Variants in SIM1 observed in about 807,000 individuals in gnomAD.
SIM1 encodes SIM bHLH transcription factor 1.
A neutral mutation model predicts 78.2 loss-of-function variants in SIM1; 18 were observed. The observed-to-expected ratio is 0.23, with a 90% CI of 0.16 to 0.34. The LOEUF (loss-of-function observed/expected upper bound fraction) is 0.34, where lower values mean the gene tolerates loss of function less well. SIM1 is among the 10% of genes least tolerant of loss of function. SIM1 has a pLI of 1.00. For synonymous variants in SIM1, 417 were observed against 385.2 expected (o/e 1.08, Z -0.97); for missense variants, 939 against 975.1 (o/e 0.96, Z 0.49).
intron 9 of SIM1, among the ~76,000 whole-genome samples, chr6:100,438,806 T>G (rs955575679): frequency 5.3e-5 from 8 of 152,222 alleles, no homozygotes; most frequent in Admixed American, 4.6e-4. Flanking sequence ...TAATGTCTTT[T>G]GCAGCAACTT....
At chr6:100,461,731 G>A (rs933499331) in intron 2 of SIM1, among the ~76,000 whole-genome samples, 22 of 151,926 alleles carry the variant, frequency 1.4e-4, no homozygotes, top group African/African-American at 5.3e-4. Flanking sequence ...AAGGCAGTGT[G>A]GTATAATGGT....
chr6:100,411,138 C>A (rs553185593), intron 10 of SIM1, among the ~76,000 whole-genome samples: 49 of 152,302 alleles, frequency 3.2e-4, no homozygotes, highest in South Asian at 8.3e-4. Context: ...AGCCCTGGAA[C>A]TAGGGCTGAG....
chr6:100,450,696 T>TCTCTCTCTCTCACACA (rs1421452803), intron 3 of SIM1, among the ~76,000 whole-genome samples: 1,970 of 91,812 alleles, frequency 0.021, 32 homozygotes, highest in East Asian at 0.049. Context: ...TCTCTCTCTC[T>TCTCTCTCTCTCACACA]CACACACACA....
chr6:100,461,837 CTTTCT>C (rs1309062119), intron 2 of SIM1, among the ~76,000 whole-genome samples: 8 of 72,864 alleles, frequency 1.1e-4, no homozygotes, highest in East Asian at 3.7e-4. Context: ...TTCTTTCTTT[CTTTCT>C]TTTTTTTTTT....
intron 9 of SIM1, among the ~76,000 whole-genome samples, chr6:100,433,020 G>A (rs1340116771): frequency 6.6e-6 from 1 of 151,934 alleles, no homozygotes; most frequent in Non-Finnish European, 1.5e-5. Flanking sequence ...AAATCCCATT[G>A]GGCCTACCTT....
chr6:100,390,137 T>C lies in SIM1; in HGVS notation c.*224A>G. ...AAATTTATCTATTCTGGTTCCCATA[T>C]AATTAGAGGGGAAATTTGTGTATTC... On this transcript the variant is annotated 3_prime_UTR_variant, in exon 12 of 12. Transcript: ENST00000369208. 1 of 553,994 alleles carries C rather than the reference T, an allele frequency of 1.8e-6. No homozygotes were observed. Among genetic ancestry groups the C allele is most frequent in the Non-Finnish European group, 3.1e-6 (1 of 317,524 alleles). 34.3% of individuals were successfully genotyped at this position (553,994 alleles called of 1,614,324 possible).
intron 1 of SIM1, 84 bp downstream of exon 1, chr6:100,464,522 CCCCGGGGG>C: frequency 6.6e-6 from 1 of 152,166 alleles, no homozygotes; most frequent in Non-Finnish European, 1.5e-5. Context: ...TCGCAGGCTC[CCCCGGGGG>C]TGGGAGGCGC....
chr6:100,422,333 A>G (rs1427709333), intron 9 of SIM1, among the ~76,000 whole-genome samples: 3 of 152,032 alleles, frequency 2.0e-5, no homozygotes, highest in Non-Finnish European at 4.4e-5. Flanking sequence ...CCTCCCGAGT[A>G]GCTAGGATTA....
chr6:100,448,283 C>G (rs1469114921), intron 7 of SIM1, 31 bp from the exon 8 acceptor site: 4 of 1,563,996 alleles, frequency 2.6e-6, no homozygotes, highest in Non-Finnish European at 3.5e-6. Flanking sequence ...AGGATGAATG[C>G]AGGCGCGGGT....
intron 9 of SIM1, among the ~76,000 whole-genome samples, chr6:100,442,259 G>A (rs886870663): frequency 3.3e-5 from 5 of 152,164 alleles, no homozygotes; most frequent in Non-Finnish European, 5.9e-5. Flanking sequence ...AGGAAAAAGT[G>A]TATGAAGAAT....
Position 100,449,402 on chromosome 6 carries a change from C to A in SIM1, c.504G>T (p.Leu168Phe). 1 of 1,614,120 alleles carries A rather than the reference C, an allele frequency of 6.2e-7. No individual in the cohort carries two copies. Among genetic ancestry groups the A allele is most frequent in the Non-Finnish European group, 8.5e-7 (1 of 1,180,020 alleles). The change falls in exon 6 of 12, where the codon TTG (leucine) becomes TTT (phenylalanine). Residue 168 changes from leucine to phenylalanine, a missense_variant. Transcript: ENST00000369208. ...AGGTGAGGCCGGCGTTACGCTTGGC[C>A]AAGACGCACTTCATCCTCAGGAAGA... Reference protein sequence around the residue: ...RSFFLRMKCVLAKRNAGLTCG... With the variant: ...RSFFLRMKCVFAKRNAGLTCG...
chr6:100,453,914 G>T (rs1456145391), intron 2 of SIM1, 70 bp from the exon 3 acceptor site: 3 of 1,186,064 alleles, frequency 2.5e-6, no homozygotes, highest in South Asian at 1.4e-5. Flanking sequence ...ACCAAGTCCC[G>T]CGACTGTATT....
In SIM1 at chr6:100,390,718, A is replaced by G; in HGVS notation, c.1944T>C (p.Tyr648=). 1 of 1,614,146 alleles carries G rather than the reference A, an allele frequency of 6.2e-7. No individual in the cohort carries two copies. The highest frequency in any genetic ancestry group is 8.5e-7 in the Non-Finnish European group (1 of 1,180,044). The part of the protein sequence containing the change: ...GKMLSPHEND[Y]DNSPTALSRI... ...GAGATAGTGCGGTGGGACTGTTGTC[A>G]TAGTCATTTTCATGGGGGCTCAACA... is the stretch of plus-strand genomic sequence containing the variant. The change falls in exon 12 of 12, where the codon TAT becomes TAC. Residue 648 remains tyrosine (Y), a synonymous_variant. Transcript: ENST00000369208.
At chr6:100,407,060 C>A (rs1003097232) in intron 10 of SIM1, among the ~76,000 whole-genome samples, 1 of 152,122 alleles carries the variant, frequency 6.6e-6, no homozygotes, top group Non-Finnish European at 1.5e-5. Flanking sequence ...TAAGTGAAAT[C>A]ATGCAGTATT....
At chr6:100,398,380 A>G (rs1276070501) in intron 10 of SIM1, among the ~76,000 whole-genome samples, 1 of 151,922 alleles carries the variant, frequency 6.6e-6, no homozygotes. Flanking sequence ...CATTTCCAGA[A>G]CTCTTCATTT....
intron 3 of SIM1, among the ~76,000 whole-genome samples, chr6:100,450,694 T>TCACACA (rs778944750): frequency 0.021 from 1,911 of 93,140 alleles, 15 homozygotes; most frequent in Non-Finnish European, 0.031. Context: ...TCTCTCTCTC[T>TCACACA]CTCACACACA....
intron 10 of SIM1, among the ~76,000 whole-genome samples, chr6:100,406,257 T>C (rs1876157): frequency 0.38 from 57,436 of 152,036 alleles, 11,282 homozygotes; most frequent in East Asian, 0.75. Flanking sequence ...TTGATCCTTT[T>C]GCTGATGCTC....
chr6:100,442,130 T>C (rs1368666358), intron 9 of SIM1, among the ~76,000 whole-genome samples: 1 of 152,206 alleles, frequency 6.6e-6, no homozygotes, highest in Non-Finnish European at 1.5e-5. Context: ...GTAACCAATG[T>C]GACAGCACTT....
intron 10 of SIM1, among the ~76,000 whole-genome samples, chr6:100,395,587 T>C (rs560963461): frequency 1.3e-5 from 2 of 152,370 alleles, no homozygotes; most frequent in East Asian, 3.9e-4. Context: ...CTTTTATTTC[T>C]TACCCCAGAA....
Sources: allele counts gnomAD v4.1 joint callset (sites outside exome capture counted in the v4.1 genomes callset), GRCh38; gene constraint gnomAD v4.1.1; transcripts MANE v1.5; gene names NCBI Gene and HGNC (gene_info 2026-07-23, HGNC 2026-07-21).